Variants in SPACA7 observed in about 807,000 individuals in gnomAD.
The protein encoded by SPACA7 is sperm acrosome-associated protein 7.
In SPACA7, 19 loss-of-function variants were observed where a neutral mutation model predicts 26.3. The observed-to-expected ratio is 0.72, with a 90% CI of 0.50 to 1.06. The LOEUF (loss-of-function observed/expected upper bound fraction) is 1.06. Ranked by LOEUF, SPACA7 falls within the 50% of genes least tolerant of loss-of-function variation. The pLI, the probability that SPACA7 is intolerant of heterozygous loss-of-function variation, is 0.00. For synonymous variants in SPACA7, 84 were observed against 84.5 expected, an observed-to-expected ratio of 0.99 and a Z score of 0.04; for missense variants, 211 against 229.9, an observed-to-expected ratio of 0.92 and a Z score of 0.53.
chr13:112,400,531 C>G (rs1885571606), intron 4 of SPACA7, among the ~76,000 whole-genome samples: 1 of 152,188 alleles, frequency 6.6e-6, no homozygotes, highest in South Asian at 2.1e-4. Flanking sequence ...GGTTATAAAA[C>G]ACTAACACCG....
chr13:112,408,584 CAGAG>C (rs1201277287), intron 5 of SPACA7, among the ~76,000 whole-genome samples: 10 of 150,004 alleles, frequency 6.7e-5, no homozygotes, highest in Non-Finnish European at 1.3e-4. Context: ...AACAGACAAA[CAGAG>C]AGCCAAATCA....
intron 2 of SPACA7, among the ~76,000 whole-genome samples, chr13:112,395,130 A>C (rs1271459519): frequency 6.6e-6 from 1 of 152,186 alleles, no homozygotes; most frequent in Non-Finnish European, 1.5e-5. Flanking sequence ...AGAGCCTCTG[A>C]GTCAGGCAGG....
intron 5 of SPACA7, among the ~76,000 whole-genome samples, chr13:112,430,067 G>A (rs1213219924): frequency 6.6e-6 from 1 of 152,060 alleles, no homozygotes; most frequent in African/African-American, 2.4e-5. Flanking sequence ...AAATTGTTCT[G>A]CCTGTTCAGT....
chr13:112,407,544 C>T (rs1022036420), intron 5 of SPACA7, among the ~76,000 whole-genome samples: 5 of 151,982 alleles, frequency 3.3e-5, no homozygotes, highest in East Asian at 3.9e-4. Flanking sequence ...ATATCACCAC[C>T]GATACCAAAG....
chr13:112,414,388 C>CTTTTTTTTTTTTTTTTT (rs869183760), intron 5 of SPACA7, among the ~76,000 whole-genome samples: 3 of 31,376 alleles, frequency 9.6e-5, no homozygotes, highest in African/African-American at 1.2e-4. Flanking sequence ...TTTTCTGTGT[C>CTTTTTTTTTTTTTTTTT]TTTTTTTTTT....
intron 5 of SPACA7, among the ~76,000 whole-genome samples, chr13:112,410,444 A>G (rs1371182622): frequency 1.3e-5 from 2 of 152,124 alleles, no homozygotes; most frequent in African/African-American, 4.8e-5. Flanking sequence ...GTTTTTATAT[A>G]TTCTGAATAT....
chr13:112,418,761 A>G (rs1233524019), intron 5 of SPACA7, among the ~76,000 whole-genome samples: 2 of 152,238 alleles, frequency 1.3e-5, no homozygotes, highest in East Asian at 1.9e-4. Flanking sequence ...AAATAATAGC[A>G]TTACTAGACT....
At chr13:112,400,337 C>A (rs535925403) in intron 4 of SPACA7, among the ~76,000 whole-genome samples, 15 of 152,300 alleles carry the variant, frequency 9.8e-5, no homozygotes, top group Admixed American at 3.3e-4. Context: ...ATGAATACCT[C>A]CAAATTTGTC....
rs370868439 is a variant in SPACA7 at position 112,434,420 on chromosome 13, T to G, written c.524-65T>G. 1.2e-3 allele frequency: 1,639 copies of G among 1,391,058 alleles called. 2 individuals are homozygous for G. Among genetic ancestry groups the G allele is most frequent in the Admixed American group, 8.0e-3 (410 of 51,530 alleles). The allele number at this position is 1,391,058 out of a possible 1,614,324, so 86.2% of individuals were successfully genotyped here. On this transcript the variant is annotated intron_variant, in intron 6 of 6. Transcript: ENST00000283550. ...CCTGTCCCCTGGTGTCCCTCGATCC[T>G]GCCAGTGCCTCCATCTCCCTCATAC...
At chr13:112,382,222 G>T in intron 1 of SPACA7, 2 of 504,954 alleles carry the variant, frequency 4.0e-6, no homozygotes, top group East Asian at 3.3e-5. Flanking sequence ...CTCTCCCTTT[G>T]GGTTTTATAG....
At chr13:112,393,775 C>T (rs1177995297) in intron 2 of SPACA7, among the ~76,000 whole-genome samples, 2 of 152,090 alleles carry the variant, frequency 1.3e-5, no homozygotes, top group Non-Finnish European at 2.9e-5. Context: ...ATCACGAGGT[C>T]AAGAGACAGA....
At chr13:112,399,796 T>C (rs555854788) in intron 4 of SPACA7, among the ~76,000 whole-genome samples, 1 of 152,194 alleles carries the variant, frequency 6.6e-6, no homozygotes, top group Non-Finnish European at 1.5e-5. Context: ...GAGGTTTAAT[T>C]TGTTCATGGT....
chr13:112,387,633 C>T (rs1187404333), intron 1 of SPACA7, among the ~76,000 whole-genome samples: 1 of 152,144 alleles, frequency 6.6e-6, no homozygotes, highest in African/African-American at 2.4e-5. Flanking sequence ...TATCGGCATA[C>T]CAGGCTTGCG....
rs553425306 is a variant in SPACA7, at chr13:112,376,896, C to T, written c.94+417C>T. ...CCACCTCATGTAAAACATTTTCTTGCGAAGAGATAAAAGCATTATCTACAA... is the reference window on the plus strand; with the variant it reads ...CCACCTCATGTAAAACATTTTCTTGTGAAGAGATAAAAGCATTATCTACAA... On this transcript the variant is annotated intron_variant, in intron 1 of 6. Transcript: ENST00000283550. Among the ~76,000 whole-genome samples the T allele has an allele frequency of 3.5e-4, 53 of 152,236 alleles. No individual in the cohort carries two copies. In the South Asian group the frequency reaches 8.3e-3, roughly 24 times the overall value.
At chr13:112,380,362 G>A (rs755898712) in intron 1 of SPACA7, among the ~76,000 whole-genome samples, 11 of 130,836 alleles carry the variant, frequency 8.4e-5, no homozygotes, top group Admixed American at 1.8e-4. Flanking sequence ...CCAAGATCAC[G>A]CCATTGCACT....
intron 1 of SPACA7, among the ~76,000 whole-genome samples, chr13:112,380,702 CT>C (rs1043414527): frequency 1.8e-4 from 28 of 152,274 alleles, no homozygotes; most frequent in African/African-American, 6.3e-4. Flanking sequence ...AAATTACTCA[CT>C]TTTTTCGTCA....
rs1885807758 is a variant in SPACA7, at chr13:112,403,919, T to C, written c.445+2755T>C. Among the ~76,000 whole-genome samples, 3 of 152,312 alleles carry C rather than the reference T, an allele frequency of 2.0e-5. No individual in the cohort carries two copies. In the South Asian group the frequency reaches 6.2e-4, roughly 32 times the overall value. On this transcript the variant is annotated intron_variant, in intron 5 of 6. Transcript: ENST00000283550. ...AGTGTCTTTTTCATATAATAACTTC[T>C]TTTCCTCTGGGTAGATATGCAGTAG...
At chr13:112,388,198 A>G (rs1241716156) in intron 1 of SPACA7, among the ~76,000 whole-genome samples, 1 of 152,230 alleles carries the variant, frequency 6.6e-6, no homozygotes, top group African/African-American at 2.4e-5. Context: ...AAGAACTCCA[A>G]GAGTATCCCT....
In SPACA7 at chr13:112,399,238, C is replaced by G. The variant is rs1885480478; in HGVS notation, c.349+65C>G. 9.2e-6 allele frequency: 8 copies of G among 864,988 alleles called. No homozygotes were observed. In the Admixed American group the frequency reaches 1.4e-4, roughly 15 times the overall value. The allele number at this position is 864,988 out of a possible 1,614,324, so 53.6% of individuals were successfully genotyped here. ...TGTAATGGGAGAGGTAGGAGGCAGG[C>G]AGACGCAGGCGGAAACATCTCCTTC... On this transcript the variant is annotated intron_variant, in intron 4 of 6. Coordinates refer to ENST00000283550, the MANE Select transcript of SPACA7 (RefSeq NM_145248.5).
Sources: gnomAD v4.1 joint callset for allele counts (sites outside exome capture counted in the v4.1 genomes callset) on GRCh38, gnomAD v4.1.1 for gene constraint, MANE v1.5 for transcripts, NCBI Gene and HGNC (gene_info 2026-07-23, HGNC 2026-07-21) for gene names.